Variants in FHIT observed in about 807,000 individuals in gnomAD.
FHIT encodes the protein bis(5'-adenosyl)-triphosphatase.
In FHIT, 19 loss-of-function variants were observed where a neutral mutation model predicts 17.9. The ratio of observed to expected loss-of-function variants is 1.06; its 90% CI spans 0.74 to 1.56. The LOEUF is 1.56. FHIT is among the 40% of genes most tolerant of loss of function. The pLI is 0.00. For missense variants in FHIT, 248 were observed against 189.2 expected, an observed-to-expected ratio of 1.31 and a Z score of -1.82; for synonymous variants, 81 against 69.7, an observed-to-expected ratio of 1.16 and a Z score of -0.81.
At chr3:60,172,560 G>A (rs966245838) in intron 5 of FHIT, among the ~76,000 whole-genome samples, 5 of 152,016 alleles carry the variant, frequency 3.3e-5, no homozygotes, top group African/African-American at 1.2e-4. Flanking sequence ...AAAGGCGTGA[G>A]CCACTGCACC....
chr3:60,764,142 T>C (rs1259105611), intron 4 of FHIT, among the ~76,000 whole-genome samples: 1 of 152,122 alleles, frequency 6.6e-6, no homozygotes, highest in Admixed American at 6.6e-5. Context: ...TTCCATCATG[T>C]AGTGCTCCAT....
chr3:60,063,557 T>C (rs570013258), intron 5 of FHIT, among the ~76,000 whole-genome samples: 4,828 of 152,206 alleles, frequency 0.032, 236 homozygotes, highest in African/African-American at 0.11. Flanking sequence ...GCCATTCAAT[T>C]TTTTTAGAAG....
At chr3:60,298,205 A>C (rs1471353244) in intron 5 of FHIT, among the ~76,000 whole-genome samples, 1 of 152,044 alleles carries the variant, frequency 6.6e-6, no homozygotes, top group African/African-American at 2.4e-5. Flanking sequence ...TTTCTTATGC[A>C]TGATTGATTA....
intron 4 of FHIT, among the ~76,000 whole-genome samples, chr3:60,665,982 T>C (rs1273743955): frequency 1.3e-5 from 2 of 152,140 alleles, no homozygotes; most frequent in Non-Finnish European, 2.9e-5. Flanking sequence ...AAACCTAATA[T>C]GTGACTTGTT....
chr3:60,180,291 A>G (rs1701869923), intron 5 of FHIT, among the ~76,000 whole-genome samples: 1 of 152,132 alleles, frequency 6.6e-6, no homozygotes, highest in Non-Finnish European at 1.5e-5. Context: ...AAATAACCCA[A>G]CTTGTGCTTA....
At chr3:59,951,513 C>T (rs1301973519) in intron 7 of FHIT, among the ~76,000 whole-genome samples, 2 of 152,194 alleles carry the variant, frequency 1.3e-5, no homozygotes, top group Non-Finnish European at 2.9e-5. Flanking sequence ...AGGACTCTGA[C>T]ATCAGTTTGC....
intron 5 of FHIT, among the ~76,000 whole-genome samples, chr3:60,182,445 A>G (rs1324594814): frequency 2.6e-5 from 4 of 152,162 alleles, no homozygotes; most frequent in Non-Finnish European, 4.4e-5. Flanking sequence ...TCTAGTCACT[A>G]GGCAAAATCT....
intron 4 of FHIT, among the ~76,000 whole-genome samples, chr3:60,813,767 G>A (rs1032951495): frequency 9.9e-5 from 15 of 152,120 alleles, no homozygotes; most frequent in African/African-American, 3.6e-4. Context: ...ATCTCACTTG[G>A]AATTTTATCA....
chr3:60,808,242 T>A (rs1701463977), intron 4 of FHIT, among the ~76,000 whole-genome samples: 1 of 152,218 alleles, frequency 6.6e-6, no homozygotes, highest in Non-Finnish European at 1.5e-5. Flanking sequence ...GCTAAAAATA[T>A]TGATTTTTTT....
At chr3:59,986,746 TTA>T (rs376825102) in intron 7 of FHIT, among the ~76,000 whole-genome samples, 1 of 428 alleles carries the variant, frequency 2.3e-3, no homozygotes, top group African/African-American at 0.014. Flanking sequence ...ATACATATAT[TTA>T]TATATATATA....
chr3:60,381,808 ATGGCTCTG>A, intron 5 of FHIT, among the ~76,000 whole-genome samples: 2 of 128,828 alleles, frequency 1.6e-5, no homozygotes, highest in East Asian at 7.4e-4. Context: ...TGTGATGATA[ATGGCTCTG>A]TAACTCTGTA....
Position 61,204,979 on chromosome 3 carries a change from G to A in FHIT, c.-212-4314C>T, listed in dbSNP as rs570681984. Reference sequence around the variant, plus strand: ...CCTAATGCCATCCCACCCACCCCCCGCCCCACAACAATCCCCAGTGTGTGA... The same window carrying A: ...CCTAATGCCATCCCACCCACCCCCCACCCCACAACAATCCCCAGTGTGTGA... On this transcript the variant is annotated intron_variant, in intron 1 of 9. Transcript: ENST00000492590. Among the ~76,000 whole-genome samples, 90 of 90,866 alleles carry A rather than the reference G, an allele frequency of 9.9e-4. No individual in the cohort carries two copies. The South Asian group carries it at 0.029, about 29-fold the overall frequency. 59.6% of individuals were successfully genotyped at this position (90,866 alleles called of 152,430 possible). A position where few individuals can be genotyped will look rare whatever the true frequency, so the allele number is the denominator to read the frequency against.
intron 9 of FHIT, chr3:59,750,817 T>TGAAATCA: frequency 4.8e-6 from 1 of 208,340 alleles, no homozygotes; most frequent in Non-Finnish European, 9.8e-6. Context: ...CATTTCAAGG[T>TGAAATCA]GAAATCAGAA....
chr3:61,008,381 G>A (rs148448592), intron 3 of FHIT, among the ~76,000 whole-genome samples: 2 of 152,320 alleles, frequency 1.3e-5, no homozygotes, highest in South Asian at 2.1e-4. Flanking sequence ...AGGGAAGGCT[G>A]CAGTTGGCAA....
chr3:60,282,590 A>G (rs923352770), intron 5 of FHIT, among the ~76,000 whole-genome samples: 12 of 152,228 alleles, frequency 7.9e-5, no homozygotes, highest in African/African-American at 2.9e-4. Flanking sequence ...TAAATGTGTC[A>G]ATATTGGTTC....
chr3:59,786,822 C>G (rs1699325025), intron 8 of FHIT, among the ~76,000 whole-genome samples: 2 of 152,260 alleles, frequency 1.3e-5, no homozygotes, highest in African/African-American at 4.8e-5. Context: ...CCTCAATACT[C>G]CAGCTGTTCC....
chr3:60,798,872 A>AT (rs1188081350), intron 4 of FHIT, among the ~76,000 whole-genome samples: 1 of 140,912 alleles, frequency 7.1e-6, no homozygotes, highest in Non-Finnish European at 1.5e-5. Flanking sequence ...ATTCTTGTGC[A>AT]TCAGCCTCCC....
At chr3:60,941,397 C>T (rs1553774481) in intron 3 of FHIT, among the ~76,000 whole-genome samples, 1 of 101,508 alleles carries the variant, frequency 9.9e-6, no homozygotes, top group Non-Finnish European at 2.0e-5. Context: ...GGCTCCATTC[C>T]AGATAAGTCC....
At chr3:60,548,095 G>T (rs1278109449) in intron 4 of FHIT, among the ~76,000 whole-genome samples, 2 of 151,576 alleles carry the variant, frequency 1.3e-5, no homozygotes, top group Non-Finnish European at 2.9e-5. Context: ...TAATCAGCTG[G>T]CAGTGGATAT....
Sources: gnomAD v4.1 joint callset for allele counts (sites outside exome capture counted in the v4.1 genomes callset) on GRCh38, gnomAD v4.1.1 for gene constraint, MANE v1.5 for transcripts, NCBI Gene and HGNC (gene_info 2026-07-23, HGNC 2026-07-21) for gene names.